KIAA1217: variants seen among roughly 807,000 people sequenced by gnomAD.
The protein encoded by KIAA1217 is KIAA1217.
KIAA1217 carries 88 observed loss-of-function variants against 163.9 expected under a neutral mutation model. The observed-to-expected ratio is 0.54, with a 90% CI of 0.45 to 0.64. KIAA1217 has a LOEUF of 0.64. Among genes scored for constraint, KIAA1217 ranks in the 30% least tolerant of loss-of-function variants. The pLI, the probability that KIAA1217 is intolerant of heterozygous loss-of-function variation, is 0.00. For synonymous variants in KIAA1217, 903 were observed against 923.1 expected (o/e 0.98, Z 0.39); for missense variants, 2,372 against 2,475.0 (o/e 0.96, Z 0.88).
At chr10:23,841,481 A>G (rs1188240489) in intron 1 of KIAA1217, among the ~76,000 whole-genome samples, 1 of 152,190 alleles carries the variant, frequency 6.6e-6, no homozygotes, top group East Asian at 1.9e-4. Context: ...ACATTTATGC[A>G]AAAGACATTA....
At chr10:24,103,776 T>C (rs944376436) in intron 2 of KIAA1217, among the ~76,000 whole-genome samples, 1 of 152,132 alleles carries the variant, frequency 6.6e-6, no homozygotes, top group Non-Finnish European at 1.5e-5. Context: ...CAACACCATA[T>C]TGAAGAAGAA....
chr10:23,855,777 G>T (rs190371893), intron 1 of KIAA1217, among the ~76,000 whole-genome samples: 43 of 152,038 alleles, frequency 2.8e-4, no homozygotes, highest in African/African-American at 1.0e-3. Flanking sequence ...TTCCATCACT[G>T]ATACCCTTTC....
intron 2 of KIAA1217, among the ~76,000 whole-genome samples, chr10:24,198,867 A>T (rs1320158679): frequency 3.3e-5 from 5 of 152,200 alleles, no homozygotes; most frequent in African/African-American, 9.7e-5. Context: ...TGAATTGATC[A>T]TCTTTGGCCT....
chr10:24,027,676 C>T (rs1399006091), intron 2 of KIAA1217, among the ~76,000 whole-genome samples: 1 of 151,896 alleles, frequency 6.6e-6, no homozygotes, highest in African/African-American at 2.4e-5. Context: ...GATAGGAAAA[C>T]TCAATAGTGT....
At chr10:23,738,473 C>G (rs540928538) in intron 1 of KIAA1217, among the ~76,000 whole-genome samples, 42 of 152,148 alleles carry the variant, frequency 2.8e-4, no homozygotes, top group Non-Finnish European at 5.3e-4. Context: ...AGTTTATTCT[C>G]TACAATTATA....
At chr10:24,513,773 A>C (rs2069581598) in intron 10 of KIAA1217, among the ~76,000 whole-genome samples, 2 of 139,514 alleles carry the variant, frequency 1.4e-5, no homozygotes, top group Admixed American at 1.5e-4. Context: ...TAACACAGGG[A>C]GATCCTGTCT....
In KIAA1217 at chr10:24,116,316, C is replaced by G. The variant is rs1404921417; in HGVS notation, c.-170-103310C>G. On this transcript the variant is annotated intron_variant, in intron 2 of 18. Coordinates refer to the KIAA1217 transcript ENST00000376462. ...AAAATATTCAGGAGTTATCTGGTGA[C>G]CCTCTATCATACAGAGGAGGAGTCT... is the stretch of plus-strand genomic sequence containing the variant. 6.6e-5 allele frequency among the ~76,000 whole-genome samples: 10 copies of G among 152,176 alleles called. No individual in the cohort carries two copies. The East Asian group carries it at 2.0e-3, about 30-fold the overall frequency.
At chr10:24,226,658 T>TAATA (rs1480522626) in intron 2 of KIAA1217, among the ~76,000 whole-genome samples, 1 of 151,396 alleles carries the variant, frequency 6.6e-6, no homozygotes, top group South Asian at 2.1e-4. Context: ...AAAATAATAA[T>TAATA]AATAAATAAA....
intron 2 of KIAA1217, among the ~76,000 whole-genome samples, chr10:24,193,328 T>C (rs2066818191): frequency 6.6e-6 from 1 of 152,236 alleles, no homozygotes; most frequent in Non-Finnish European, 1.5e-5. Context: ...TGCGGACTTA[T>C]CTGGAGAGAA....
At chr10:23,827,417 T>A (rs1385398263) in intron 1 of KIAA1217, among the ~76,000 whole-genome samples, 1 of 152,220 alleles carries the variant, frequency 6.6e-6, no homozygotes, top group African/African-American at 2.4e-5. Flanking sequence ...TTGATGTCCC[T>A]TACTTTCGTG....
intron 2 of KIAA1217, among the ~76,000 whole-genome samples, chr10:24,099,180 G>A (rs1045763894): frequency 6.8e-6 from 1 of 147,684 alleles, no homozygotes. Context: ...TTTTTCTCCT[G>A]CAAAAACTTT....
chr10:24,535,228 C>T (rs755405800), intron 16 of KIAA1217, among the ~76,000 whole-genome samples: 21 of 152,100 alleles, frequency 1.4e-4, no homozygotes, highest in Non-Finnish European at 2.8e-4. Flanking sequence ...CAAACACATC[C>T]GGGGCAAGCT....
intron 2 of KIAA1217, among the ~76,000 whole-genome samples, chr10:24,254,856 A>ATT (rs201463239): frequency 4.9e-5 from 7 of 143,088 alleles, no homozygotes; most frequent in Non-Finnish European, 6.2e-5. Flanking sequence ...TTCAACTCTA[A>ATT]TTTTTTTTTT....
chr10:24,270,454 A>T (rs1028358267), intron 2 of KIAA1217, among the ~76,000 whole-genome samples: 1 of 152,238 alleles, frequency 6.6e-6, no homozygotes, highest in African/African-American at 2.4e-5. Flanking sequence ...AATCACATGA[A>T]TGCATCCATC....
chr10:24,390,971 A>C (rs2054842183), intron 3 of KIAA1217, among the ~76,000 whole-genome samples: 1 of 152,198 alleles, frequency 6.6e-6, no homozygotes, highest in East Asian at 1.9e-4. Context: ...ATTTGTGCTT[A>C]CTTTAAAAAA....
At chr10:24,062,531 T>C (rs2060768956) in intron 2 of KIAA1217, among the ~76,000 whole-genome samples, 3 of 151,362 alleles carry the variant, frequency 2.0e-5, no homozygotes, top group Admixed American at 1.3e-4. Flanking sequence ...CTTAATCCAG[T>C]CTATCATTGT....
chr10:24,357,415 T>C (rs1193567502), intron 2 of KIAA1217, among the ~76,000 whole-genome samples: 2 of 152,144 alleles, frequency 1.3e-5, no homozygotes, highest in Non-Finnish European at 2.9e-5. Flanking sequence ...TTCTTACCTT[T>C]GGCCGGGCCC....
intron 2 of KIAA1217, among the ~76,000 whole-genome samples, chr10:24,315,467 T>TTTGTGCGA (rs2043230366): frequency 6.6e-6 from 1 of 152,204 alleles, no homozygotes; most frequent in African/African-American, 2.4e-5. Context: ...CAATTTTGTG[T>TTTGTGCGA]TTTTGAAGTG....
intron 1 of KIAA1217, among the ~76,000 whole-genome samples, chr10:23,888,174 A>G (rs540261796): frequency 6.6e-6 from 1 of 152,102 alleles, no homozygotes; most frequent in South Asian, 2.1e-4. Context: ...TGCAGAGAAC[A>G]GCTTACTAAA....
Sources: allele counts gnomAD v4.1 joint callset (sites outside exome capture counted in the v4.1 genomes callset), GRCh38; gene constraint gnomAD v4.1.1; transcripts MANE v1.5; gene names NCBI Gene and HGNC (gene_info 2026-07-23, HGNC 2026-07-21).